Variants in TUSC3 observed in about 807,000 individuals in gnomAD.
The protein encoded by TUSC3 is dolichyl-diphosphooligosaccharide--protein glycosyltransferase subunit TUSC3.
Under a neutral mutation model 44.8 loss-of-function variants are expected in TUSC3, and 45 were observed. The observed-to-expected ratio is 1.00, with a 90% CI of 0.79 to 1.29. The LOEUF (loss-of-function observed/expected upper bound fraction) is 1.29. Among genes scored for constraint, TUSC3 ranks in the 50% most tolerant of loss-of-function variants. The pLI is 0.00. For missense variants in TUSC3, 519 were observed against 437.9 expected (o/e 1.19, Z -1.65); for synonymous variants, 212 against 152.9 (o/e 1.39, Z -2.85).
At chr8:15,787,966 A>G in the TUSC3 span, among the ~76,000 whole-genome samples, 5 of 152,162 alleles carry the variant, frequency 3.3e-5, no homozygotes, top group Admixed American at 6.5e-5. Context: ...AAATATTCCT[A>G]TTCTCTCTTA....
At chr8:15,650,867 C>G (rs1043140691) in intron 3 of TUSC3, 53 bp downstream of exon 3, 2 of 1,562,078 alleles carry the variant, frequency 1.3e-6, no homozygotes, top group African/African-American at 2.7e-5. Flanking sequence ...GTGGTCGATA[C>G]ATTTTTGTTT....
chr8:15,835,897 C>T, the TUSC3 span, among the ~76,000 whole-genome samples: 2 of 148,838 alleles, frequency 1.3e-5, no homozygotes, highest in South Asian at 4.1e-4. Context: ...TTGCATATTT[C>T]TTCTTCTTAC....
chr8:15,818,226 G>GGT, the TUSC3 span, among the ~76,000 whole-genome samples: 1 of 152,122 alleles, frequency 6.6e-6, no homozygotes, highest in African/African-American at 2.4e-5. Context: ...ATTGACACAT[G>GGT]ATAGTCATCA....
At chr8:15,698,729 T>G (rs1809271209) in intron 6 of TUSC3, among the ~76,000 whole-genome samples, 1 of 152,230 alleles carries the variant, frequency 6.6e-6, no homozygotes, top group South Asian at 2.1e-4. Context: ...CATATTTGAC[T>G]TTGATACATC....
chr8:15,756,073 A>C (rs989720990), intron 9 of TUSC3, among the ~76,000 whole-genome samples: 1 of 152,156 alleles, frequency 6.6e-6, no homozygotes, highest in Non-Finnish European at 1.5e-5. Flanking sequence ...GGGAGGTCGT[A>C]TGATATAATG....
intron 1 of TUSC3, among the ~76,000 whole-genome samples, chr8:15,546,543 T>C (rs148475726): frequency 1.3e-4 from 19 of 151,806 alleles, no homozygotes; most frequent in African/African-American, 4.6e-4. Context: ...TTTTTTCTTT[T>C]TTCTTTTGGG....
chr8:15,647,808 A>G (rs1167137365), intron 2 of TUSC3, among the ~76,000 whole-genome samples: 1 of 152,206 alleles, frequency 6.6e-6, no homozygotes, highest in Non-Finnish European at 1.5e-5. Flanking sequence ...TTTAAATAGA[A>G]AATAATATTC....
intron 1 of TUSC3, among the ~76,000 whole-genome samples, chr8:15,435,092 A>G (rs189721909): frequency 6.7e-6 from 1 of 148,666 alleles, no homozygotes; most frequent in Non-Finnish European, 1.5e-5. Context: ...CTAGTTCTAG[A>G]TCCCTGAGGA....
At chr8:15,789,797 T>A in the TUSC3 span, among the ~76,000 whole-genome samples, 861 of 152,006 alleles carry the variant, frequency 5.7e-3, 9 homozygotes, top group African/African-American at 0.02. Context: ...ACCTTAAAAG[T>A]AACAAGGAAA....
At chr8:15,686,394 G>T (rs1451529428) in intron 6 of TUSC3, among the ~76,000 whole-genome samples, 1 of 151,992 alleles carries the variant, frequency 6.6e-6, no homozygotes. Context: ...TTACAATTCA[G>T]TTGTGAGTAA....
At chr8:15,731,371 T>C (rs1810715778) in intron 7 of TUSC3, among the ~76,000 whole-genome samples, 1 of 152,158 alleles carries the variant, frequency 6.6e-6, no homozygotes. Flanking sequence ...TTGATTCTCA[T>C]TATGAGAATG....
At chr8:15,670,714 T>C (rs1408720993) in intron 5 of TUSC3, among the ~76,000 whole-genome samples, 1 of 151,854 alleles carries the variant, frequency 6.6e-6, no homozygotes, top group Non-Finnish European at 1.5e-5. Flanking sequence ...TAAGAACTTC[T>C]GTTTGTCAAA....
At chr8:15,435,201 T>C (rs2129117484) in intron 1 of TUSC3, among the ~76,000 whole-genome samples, 1 of 151,454 alleles carries the variant, frequency 6.6e-6, no homozygotes, top group Non-Finnish European at 1.5e-5. Flanking sequence ...GCACCTGTTG[T>C]TTCCTGACTT....
intron 1 of TUSC3, among the ~76,000 whole-genome samples, chr8:15,456,993 C>T (rs1021531210): frequency 3.3e-5 from 5 of 152,060 alleles, no homozygotes; most frequent in African/African-American, 1.2e-4. Context: ...ACTCATGTTA[C>T]AGAAACTAGC....
At chr8:15,662,613 A>AATTCAGCTATTTCTGAATTTCTC (rs1157922203) in intron 5 of TUSC3, among the ~76,000 whole-genome samples, 6 of 151,972 alleles carry the variant, frequency 3.9e-5, no homozygotes, top group Admixed American at 6.6e-5. Flanking sequence ...ATGGTTTGGA[A>AATTCAGCTATTTCTGAATTTCTC]ATTCAGCTAT....
chr8:15,783,131 A>T, the TUSC3 span, among the ~76,000 whole-genome samples: 3 of 152,192 alleles, frequency 2.0e-5, no homozygotes, highest in African/African-American at 4.8e-5. Context: ...TATAATACTT[A>T]GGAGTAAATT....
chr8:15,806,608 A>G, the TUSC3 span: 2 of 1,451,020 alleles, frequency 1.4e-6, no homozygotes, highest in Non-Finnish European at 1.9e-6. Context: ...TGAAGTGATC[A>G]TCTTCTTCAG....
At chr8:15,748,787 A>G (rs771861857) in intron 9 of TUSC3, 8 of 528,036 alleles carry the variant, frequency 1.5e-5, no homozygotes, top group Non-Finnish European at 2.6e-5. Flanking sequence ...CTTCATTTGC[A>G]AGATTGTTTT....
At chr8:15,688,791 G>C (rs1286690072) in intron 6 of TUSC3, 2 of 153,434 alleles carry the variant, frequency 1.3e-5, no homozygotes, top group African/African-American at 2.4e-5. Flanking sequence ...ACAATGATCA[G>C]CTCTAAACAC....
Sources: gnomAD v4.1 joint callset for allele counts (sites outside exome capture counted in the v4.1 genomes callset) on GRCh38, gnomAD v4.1.1 for gene constraint, MANE v1.5 for transcripts, NCBI Gene and HGNC (gene_info 2026-07-23, HGNC 2026-07-21) for gene names.